The following LRRC8C variants were observed in gnomAD, a reference collection of about 807,000 sequenced individuals.
LRRC8C encodes the protein volume-regulated anion channel subunit LRRC8C.
LRRC8C carries 20 observed loss-of-function variants against 55.3 expected under a neutral mutation model. The observed-to-expected ratio is 0.36, with a 90% CI of 0.25 to 0.53. LRRC8C has a LOEUF of 0.53. Among genes scored for constraint, LRRC8C ranks in the 20% least tolerant of loss-of-function variants. The probability of loss-of-function intolerance (pLI) is 0.92; values close to 1 mark genes in which losing one functional copy is unlikely to be tolerated. For missense variants in LRRC8C, 659 were observed against 951.4 expected, an observed-to-expected ratio of 0.69 and a Z score of 4.04; for synonymous variants, 376 against 360.7, an observed-to-expected ratio of 1.04 and a Z score of -0.48.
At chr1:89,643,240 C>T (rs983679408) in intron 1 of LRRC8C, among the ~76,000 whole-genome samples, 3 of 152,180 alleles carry the variant, frequency 2.0e-5, no homozygotes, top group African/African-American at 4.8e-5. Flanking sequence ...CACAGGCACA[C>T]GCCACCACAC....
intron 2 of LRRC8C, among the ~76,000 whole-genome samples, chr1:89,700,818 T>C (rs1658296377): frequency 6.6e-6 from 1 of 152,234 alleles, no homozygotes; most frequent in East Asian, 1.9e-4. Context: ...CCACTCTACC[T>C]GTTTGGATCA....
intron 2 of LRRC8C, among the ~76,000 whole-genome samples, chr1:89,710,710 C>T (rs1363688912): frequency 6.6e-6 from 1 of 152,194 alleles, no homozygotes; most frequent in African/African-American, 2.4e-5. Context: ...GGTGAAACCT[C>T]CTCTCTTCCC....
At chr1:89,666,868 G>C (rs1657279386) in intron 1 of LRRC8C, among the ~76,000 whole-genome samples, 2 of 152,114 alleles carry the variant, frequency 1.3e-5, no homozygotes, top group Admixed American at 1.3e-4. Flanking sequence ...TTCTTAGGGA[G>C]CTTACCTTAT....
chr1:89,660,491 A>C (rs2101212892), intron 1 of LRRC8C, among the ~76,000 whole-genome samples: 1 of 152,258 alleles, frequency 6.6e-6, no homozygotes, highest in Middle Eastern at 3.4e-3. Flanking sequence ...TGTGCAGCCA[A>C]GGTTGAGAGC....
At chr1:89,679,706 C>T (rs1379490501) in intron 1 of LRRC8C, among the ~76,000 whole-genome samples, 2 of 152,190 alleles carry the variant, frequency 1.3e-5, no homozygotes, top group Admixed American at 6.5e-5. Context: ...TTGATCAGGG[C>T]CATTCACTGG....
chr1:89,669,799 G>A (rs1657367358), intron 1 of LRRC8C, among the ~76,000 whole-genome samples: 1 of 152,112 alleles, frequency 6.6e-6, no homozygotes, highest in Non-Finnish European at 1.5e-5. Flanking sequence ...TAATATGATT[G>A]TCTGCCCTTG....
At chr1:89,631,010 T>C (rs376510360), upstream of LRRC8C, among the ~76,000 whole-genome samples, 3 of 152,318 alleles carry the variant, frequency 2.0e-5, no homozygotes, top group East Asian at 5.8e-4. Context: ...CCAAAAGTAT[T>C]GCAATAAAGC....
At chr1:89,663,102 T>A in intron 1 of LRRC8C, among the ~76,000 whole-genome samples, 1 of 152,210 alleles carries the variant, frequency 6.6e-6, no homozygotes, top group Non-Finnish European at 1.5e-5. Context: ...GTTAGTTTGC[T>A]GAGAATTATG....
chr1:89,654,475 A>G (rs1656883166), intron 1 of LRRC8C, among the ~76,000 whole-genome samples: 1 of 152,200 alleles, frequency 6.6e-6, no homozygotes, highest in African/African-American at 2.4e-5. Flanking sequence ...GCAGCTGGAT[A>G]TTTAAGTCTC....
At chr1:89,619,424 C>T in the LRRC8C span, among the ~76,000 whole-genome samples, 9 of 149,486 alleles carry the variant, frequency 6.0e-5, no homozygotes, top group Non-Finnish European at 1.5e-5. Context: ...ATAAAAATAA[C>T]AATTTATTTA....
chr1:89,628,675 T>C (rs1656035031), upstream of LRRC8C, among the ~76,000 whole-genome samples: 1 of 152,248 alleles, frequency 6.6e-6, no homozygotes, highest in Non-Finnish European at 1.5e-5. Context: ...TTCAGATTTC[T>C]TCTTGGCCTT....
At chr1:89,700,431 A>G (rs761803996) in intron 2 of LRRC8C, among the ~76,000 whole-genome samples, 4 of 152,196 alleles carry the variant, frequency 2.6e-5, no homozygotes, top group Non-Finnish European at 5.9e-5. Flanking sequence ...TGGTTTTCCT[A>G]TGACGCTTAG....
intron 2 of LRRC8C, among the ~76,000 whole-genome samples, chr1:89,703,857 T>C (rs1342461751): frequency 6.6e-6 from 1 of 151,962 alleles, no homozygotes; most frequent in Non-Finnish European, 1.5e-5. Flanking sequence ...TAAGTCCAAA[T>C]ATCCAAATAT....
At chr1:89,699,032 A>G (rs1490482283) in intron 2 of LRRC8C, among the ~76,000 whole-genome samples, 1 of 152,210 alleles carries the variant, frequency 6.6e-6, no homozygotes, top group Non-Finnish European at 1.5e-5. Flanking sequence ...ATGGAATGCT[A>G]TATAGTGCTA....
intron 2 of LRRC8C, among the ~76,000 whole-genome samples, chr1:89,703,418 A>G (rs1658385494): frequency 6.6e-6 from 1 of 152,206 alleles, no homozygotes; most frequent in Non-Finnish European, 1.5e-5. Context: ...ACAGACTTTT[A>G]TTAAGAGTTA....
At chr1:89,693,625 CTTTTCT>C (rs1397384500) in intron 2 of LRRC8C, among the ~76,000 whole-genome samples, 2 of 134,766 alleles carry the variant, frequency 1.5e-5, no homozygotes, top group Non-Finnish European at 3.2e-5. Context: ...AGATATGTTC[CTTTTCT>C]TTTATCTTTT....
chr1:89,648,451 A>G (rs111476614), intron 1 of LRRC8C, among the ~76,000 whole-genome samples: 4,122 of 152,302 alleles, frequency 0.027, 190 homozygotes, highest in African/African-American at 0.094. Context: ...ATAAATAATA[A>G]CCAACCATCT....
At chr1:89,696,612 G>A (rs1240935129) in intron 2 of LRRC8C, among the ~76,000 whole-genome samples, 1 of 152,076 alleles carries the variant, frequency 6.6e-6, no homozygotes, top group Non-Finnish European at 1.5e-5. Flanking sequence ...CCAGAGAGAG[G>A]CAGCTTCAAA....
intron 2 of LRRC8C, among the ~76,000 whole-genome samples, chr1:89,695,243 T>C (rs538188003): frequency 1.3e-5 from 2 of 152,130 alleles, no homozygotes; most frequent in Non-Finnish European, 2.9e-5. Flanking sequence ...CTTTTGAACA[T>C]ACATAGTGAC....
Sources: allele counts gnomAD v4.1 joint callset (sites outside exome capture counted in the v4.1 genomes callset), GRCh38; gene constraint gnomAD v4.1.1; transcripts MANE v1.5; gene names NCBI Gene and HGNC (gene_info 2026-07-23, HGNC 2026-07-21).